The following OSBP2 variants were observed in gnomAD, a reference collection of about 807,000 sequenced individuals.
OSBP2 encodes the protein oxysterol binding protein 2.
Under a neutral mutation model 96.0 loss-of-function variants are expected in OSBP2, and 66 were observed. The observed-to-expected ratio is 0.69, with a 90% CI of 0.56 to 0.84. The LOEUF (loss-of-function observed/expected upper bound fraction) is 0.84. Ranked by LOEUF, OSBP2 falls within the 40% of genes least tolerant of loss-of-function variation. OSBP2 has a pLI of 0.00. For synonymous variants in OSBP2, 525 were observed against 520.9 expected (o/e 1.01, Z -0.11); for missense variants, 1,038 against 1,222.7 (o/e 0.85, Z 2.25).
intron 2 of OSBP2, among the ~76,000 whole-genome samples, chr22:30,756,923 G>T (rs2090148343): frequency 6.6e-6 from 1 of 152,084 alleles, no homozygotes; most frequent in African/African-American, 2.4e-5. Context: ...GCCACGTTCT[G>T]CAGTGACCCT....
intron 2 of OSBP2, among the ~76,000 whole-genome samples, chr22:30,836,588 G>A (rs969161874): frequency 4.6e-5 from 7 of 152,206 alleles, no homozygotes; most frequent in Non-Finnish European, 8.8e-5. Flanking sequence ...CCAAACCGGA[G>A]ATATTTCGGG....
At chr22:30,802,986 G>C (rs900086938) in intron 2 of OSBP2, 1 of 155,020 alleles carries the variant, frequency 6.5e-6, no homozygotes, top group African/African-American at 2.4e-5. Flanking sequence ...GAGCCGCCGG[G>C]CAGCACACAC....
chr22:30,858,189 GACTGCGGACTGCAGTGGCGC>G (rs2039122255), intron 2 of OSBP2, among the ~76,000 whole-genome samples: 1 of 146,670 alleles, frequency 6.8e-6, no homozygotes, highest in African/African-American at 2.6e-5. Flanking sequence ...GCCCAGGCCG[GACTGCGGACTGCAGTGGCGC>G]AATCTCGGCT....
intron 2 of OSBP2, among the ~76,000 whole-genome samples, chr22:30,751,702 A>C (rs925419355): frequency 2.6e-5 from 4 of 152,026 alleles, no homozygotes. Flanking sequence ...GACACCCAGC[A>C]CTCATAAATC....
In OSBP2 at chr22:30,871,749, C is replaced by T. The variant is rs1268927124; in HGVS notation, c.1107+1067C>T. On this transcript the variant is annotated intron_variant, in intron 3 of 13. Transcript: ENST00000332585. The surrounding 1 kb of genome is among the most constrained non-coding windows in gnomAD (Gnocchi z 4.7). ...CCAGGCCCCGCAAGAAATGCAAGGG[C>T]AGGGTGGGAAGATAGAGGCTGGAGC... Among the ~76,000 whole-genome samples, 1 of 152,216 alleles carries T rather than the reference C, an allele frequency of 6.6e-6. No individual in the cohort carries two copies. Among genetic ancestry groups the T allele is most frequent in the Non-Finnish European group, 1.5e-5 (1 of 68,030 alleles).
intron 1 of OSBP2, among the ~76,000 whole-genome samples, chr22:30,713,147 C>T (rs544415318): frequency 6.7e-5 from 10 of 149,988 alleles, no homozygotes; most frequent in Non-Finnish European, 1.3e-4. Flanking sequence ...GGCGTGATCT[C>T]GGCTCACTGC....
intron 2 of OSBP2, among the ~76,000 whole-genome samples, chr22:30,847,575 C>T (rs1485237076): frequency 6.6e-6 from 1 of 152,158 alleles, no homozygotes; most frequent in African/African-American, 2.4e-5. Context: ...CCACCGTGCC[C>T]AGCCTAATTC....
At chr22:30,823,430 C>G (rs948288755) in intron 2 of OSBP2, among the ~76,000 whole-genome samples, 1 of 152,226 alleles carries the variant, frequency 6.6e-6, no homozygotes, top group Admixed American at 6.5e-5. Flanking sequence ...ACATCTGAAA[C>G]TCGGAAAAAT....
chr22:30,838,492 T>C (rs556149791), intron 2 of OSBP2, among the ~76,000 whole-genome samples: 13 of 152,344 alleles, frequency 8.5e-5, no homozygotes, highest in Admixed American at 5.2e-4. Flanking sequence ...GGCTGGAACC[T>C]CCAGTACAAT....
At position 30,881,664 on chromosome 22, in the gene OSBP2, A is replaced by G; in HGVS notation, c.1108-5762A>G. The G allele has an allele frequency of 7.7e-7, 1 of 1,303,830 alleles. No individual in the cohort carries two copies. The allele number at this position is 1,303,830 out of a possible 1,614,324, so 80.8% of individuals were successfully genotyped here. A position where few individuals can be genotyped will look rare whatever the true frequency, so the allele number is the denominator to read the frequency against. On this transcript the variant is annotated intron_variant, in intron 3 of 13. Transcript: ENST00000332585. The surrounding 1 kb of genome is among the most constrained non-coding windows in gnomAD (Gnocchi z 4.5). ...GCCTAATCCAGCTTATCAAGCACAC[A>G]GCACACAGCCCAGCTCAGCATTCTG...
chr22:30,811,140 T>C (rs1455613977), intron 2 of OSBP2, among the ~76,000 whole-genome samples: 4 of 147,208 alleles, frequency 2.7e-5, no homozygotes, highest in Non-Finnish European at 6.0e-5. Context: ...CCCATGCATT[T>C]ACAAAGCCAT....
chr22:30,809,672 G>A (rs2090979862), intron 2 of OSBP2, among the ~76,000 whole-genome samples: 2 of 152,146 alleles, frequency 1.3e-5, no homozygotes, highest in African/African-American at 4.8e-5. Flanking sequence ...GTTCATATCA[G>A]GGAGCCATGG....
chr22:30,694,136 C>A, upstream of OSBP2: 2 of 1,549,744 alleles, frequency 1.3e-6, no homozygotes, highest in South Asian at 2.4e-5. Context: ...GGTCCAAGTT[C>A]AGAATCCCAC....
rs538972890 is a variant in OSBP2, at chr22:30,839,799, A to T, written c.854-30630A>T. Among the ~76,000 whole-genome samples, 912 of 151,880 alleles carry T rather than the reference A, an allele frequency of 6.0e-3. 6 individuals carry two copies. Among genetic ancestry groups the T allele is most frequent in the African/African-American group, 0.02 (847 of 41,384 alleles). ...TTCTCCCATTTTGTAGGTTGCCTGT[A>T]CACTCTGATGGTAGTTTCTTTTGCT... is the stretch of plus-strand genomic sequence containing the variant. On this transcript the variant is annotated intron_variant, in intron 2 of 13. Transcript: ENST00000332585.
intron 4 of OSBP2, 92 bp from the exon 5 acceptor site, chr22:30,888,131 T>C: frequency 1.2e-6 from 1 of 823,246 alleles, no homozygotes; most frequent in Non-Finnish European, 2.1e-6. Context: ...TGAGGCCAGA[T>C]GGGGGTTGGG....
rs374498655 is a variant in OSBP2, at chr22:30,893,239, C to T, written c.1987C>T (p.Leu663=). The T allele has an allele frequency of 1.4e-5, 23 of 1,614,066 alleles. No homozygotes were observed. Among genetic ancestry groups the T allele is most frequent in the Non-Finnish European group, 1.9e-5 (22 of 1,179,958 alleles). Residue 663 remains leucine, a synonymous_variant, in exon 9 of 14, where the codon CTA becomes TTA. Transcript: ENST00000332585. ...GGGAAAATACATCTCCATCATGCCG[C>T]TAGGTGAGCTGGGGCCCGGTGCCTT... ...FRGKYISIMP[L]GAIHLEFQAS...
chr22:30,714,267 C>T (rs529520186), intron 1 of OSBP2, among the ~76,000 whole-genome samples: 2 of 152,254 alleles, frequency 1.3e-5, no homozygotes, highest in South Asian at 4.1e-4. Flanking sequence ...GAATAGTATT[C>T]CATTGTGTAT....
At chr22:30,895,772 C>T (rs1053750487) in intron 12 of OSBP2, among the ~76,000 whole-genome samples, 2 of 151,890 alleles carry the variant, frequency 1.3e-5, no homozygotes, top group African/African-American at 4.8e-5. Flanking sequence ...AACCCCGTCT[C>T]TACTAAAATA....
At position 30,702,507 on chromosome 22, in the gene OSBP2, G is replaced by A. The variant is rs1485866147; in HGVS notation, c.644+6954G>A. The stretch of plus-strand genomic sequence containing the variant: ...TGGGTGCCTGTAACCCCAGCTACTC[G>A]GGAGTCTGAGGCATGAGAATCACTT... On this transcript the variant is annotated intron_variant, in intron 1 of 13. Transcript: ENST00000332585. 1.1e-4 allele frequency among the ~76,000 whole-genome samples: 17 copies of A among 152,118 alleles called. 1 individual carries two copies. Among genetic ancestry groups the A allele is most frequent in the Admixed American group, 6.6e-5 (1 of 15,264 alleles).
Sources: gnomAD v4.1 joint callset for allele counts (sites outside exome capture counted in the v4.1 genomes callset) on GRCh38, gnomAD v4.1.1 for gene constraint, Gnocchi (gnomAD v3.1) non-coding constraint, MANE v1.5 for transcripts, NCBI Gene and HGNC (gene_info 2026-07-23, HGNC 2026-07-21) for gene names.